TRPM2: variants seen among roughly 807,000 people sequenced by gnomAD.
TRPM2 encodes the protein estrogen-responsive element-associated gene 1 protein.
Under a neutral mutation model 174.0 loss-of-function variants are expected in TRPM2, and 161 were observed. The ratio of observed to expected loss-of-function variants is 0.93; its 90% CI spans 0.81 to 1.05. The LOEUF (loss-of-function observed/expected upper bound fraction) is 1.05. Ranked by LOEUF, TRPM2 falls within the 50% of genes least tolerant of loss-of-function variation. TRPM2 has a pLI of 0.00. For synonymous variants in TRPM2, 954 were observed against 861.3 expected, an observed-to-expected ratio of 1.11 and a Z score of -1.88; for missense variants, 2,057 against 2,038.0, an observed-to-expected ratio of 1.01 and a Z score of -0.18.
In TRPM2 at chr21:44,442,154, G is replaced by C. The variant is rs1481394377; in HGVS notation, c.*337G>C. The C allele has an allele frequency of 4.2e-6, 1 of 236,552 alleles. No individual in the cohort carries two copies. The highest frequency in any genetic ancestry group is 8.1e-6 in the Non-Finnish European group (1 of 123,806). The allele number at this position is 236,552 out of a possible 1,614,324, so 14.7% of individuals were successfully genotyped here. ...TCCCTTCCTGGCTGTGTCACCCCGA[G>C]CAGCTCATCCACCATGGAGGTCATT... On this transcript the variant is annotated 3_prime_UTR_variant, in exon 32 of 32. Transcript: ENST00000397928.
At chr21:44,368,489 T>C (rs1602142183) in intron 4 of TRPM2, among the ~76,000 whole-genome samples, 1 of 151,354 alleles carries the variant, frequency 6.6e-6, no homozygotes, top group South Asian at 2.1e-4. Flanking sequence ...GCAGTGGTGG[T>C]GGCGCTATCT....
intron 27 of TRPM2, among the ~76,000 whole-genome samples, chr21:44,430,116 T>G (rs1020532484): frequency 6.6e-6 from 1 of 152,210 alleles, no homozygotes; most frequent in Admixed American, 6.5e-5. Flanking sequence ...TGGAATAAAC[T>G]CTTCTGTTAT....
chr21:44,383,022 T>G (rs1201765591), intron 9 of TRPM2, among the ~76,000 whole-genome samples: 2 of 152,190 alleles, frequency 1.3e-5, no homozygotes, highest in Non-Finnish European at 2.9e-5. Flanking sequence ...CTCCTTTATT[T>G]GTAACTGGAA....
At chr21:44,427,185 C>T (rs1240238502) in intron 27 of TRPM2, 74 bp downstream of exon 27, 12 of 1,260,186 alleles carry the variant, frequency 9.5e-6, no homozygotes, top group Non-Finnish European at 3.3e-6. Flanking sequence ...CCTCTCTGGG[C>T]AAAGGAAGCA....
intron 16 of TRPM2, among the ~76,000 whole-genome samples, chr21:44,404,178 C>T (rs2049764980): frequency 6.6e-6 from 1 of 151,968 alleles, no homozygotes; most frequent in East Asian, 1.9e-4. Context: ...TACACATGCA[C>T]ACACAAAAAC....
chr21:44,356,095 A>C (rs1355194245), intron 2 of TRPM2, among the ~76,000 whole-genome samples: 2 of 133,880 alleles, frequency 1.5e-5, no homozygotes, highest in African/African-American at 5.4e-5. Context: ...CTGTAATCCC[A>C]GCACTTTGGG....
At position 44,441,804 on chromosome 21, in the gene TRPM2, G is replaced by T; in HGVS notation, c.4499G>T (p.Gly1500Val). Residue 1500 changes from glycine (G) to valine (V), a missense_variant, in exon 32 of 32, where the codon GGG becomes GTG. Physicochemically the swap from Gly to Val is moderately radical, Grantham distance 109 (BLOSUM62 -3). Coordinates refer to ENST00000397928, the MANE Select transcript of TRPM2 (RefSeq NM_003307.4). The stretch of plus-strand genomic sequence containing the variant: ...CTCCAGAAGGCAGCCGCTGAGTTCG[G>T]GGCTCACTACTGACTGTGCCCTCAG... ...TLLQKAAAEF[G>V]AHY 6.2e-7 allele frequency: 1 copy of T among 1,608,992 alleles called. No homozygotes were observed. The highest frequency in any genetic ancestry group is 8.5e-7 in the Non-Finnish European group (1 of 1,177,702).
intron 1 of TRPM2, 52 bp downstream of exon 1, chr21:44,353,917 C>A: frequency 1.3e-6 from 2 of 1,569,668 alleles, no homozygotes; most frequent in Non-Finnish European, 1.7e-6. Flanking sequence ...CGGAGGTCAC[C>A]GTTGGGCAGG....
rs1403169192 is a variant in TRPM2 at position 44,359,126 on chromosome 21, A to ACTGCTTGGTCCATTTTACAGTGTG, written c.254+4394_254+4417dup. Among the ~76,000 whole-genome samples, 21 of 151,844 alleles carry ACTGCTTGGTCCATTTTACAGTGTG rather than the reference A, an allele frequency of 1.4e-4. No homozygotes were observed. The East Asian group carries it at 2.9e-3, about 21-fold the overall frequency. On this transcript the variant is annotated intron_variant, in intron 2 of 31. Coordinates refer to ENST00000397928, the MANE Select transcript of TRPM2 (RefSeq NM_003307.4). ...TGCTGATTGGTCCATTTTACAGAGC[A>ACTGCTTGGTCCATTTTACAGTGTG]CTGCTTGGTCCATTTTACAGTGTGC... is the stretch of plus-strand genomic sequence containing the variant.
intron 19 of TRPM2, among the ~76,000 whole-genome samples, chr21:44,411,722 G>A (rs1416829785): frequency 6.6e-6 from 1 of 152,196 alleles, no homozygotes; most frequent in African/African-American, 2.4e-5. Flanking sequence ...TGTGATGTTA[G>A]CTGTGGGGCT....
intron 15 of TRPM2, 111 bp downstream of exon 15, chr21:44,400,482 C>T (rs532130126): frequency 2.2e-6 from 2 of 918,714 alleles, no homozygotes; most frequent in Non-Finnish European, 3.3e-6. Flanking sequence ...AGTCATGTGT[C>T]CTCAGAATTG....
In TRPM2 at chr21:44,370,213, A is replaced by C. The variant is rs566663980; in HGVS notation, c.771+870A>C. Among the ~76,000 whole-genome samples the C allele has an allele frequency of 4.5e-4, 68 of 152,200 alleles. No homozygotes were observed. The South Asian group carries it at 8.1e-3, about 18-fold the overall frequency. ...GAGGGAGGGGGCGTGGCCAGCAGGCAGCTGGGTGGGGCTGAGCCAGGGCGA... is the reference window on the plus strand; with the variant it reads ...GAGGGAGGGGGCGTGGCCAGCAGGCCGCTGGGTGGGGCTGAGCCAGGGCGA... On this transcript the variant is annotated intron_variant, in intron 5 of 31. Coordinates refer to ENST00000397928, the MANE Select transcript of TRPM2 (RefSeq NM_003307.4).
At chr21:44,384,131 A>G (rs901378944) in intron 9 of TRPM2, among the ~76,000 whole-genome samples, 1 of 152,218 alleles carries the variant, frequency 6.6e-6, no homozygotes, top group Non-Finnish European at 1.5e-5. Context: ...GAAAAAAGAA[A>G]GAAGATTCAT....
chr21:44,351,052 G>C (rs2122996574), upstream of TRPM2, among the ~76,000 whole-genome samples: 1 of 151,970 alleles, frequency 6.6e-6, no homozygotes, highest in East Asian at 2.0e-4. Flanking sequence ...TGTACCGAGG[G>C]AGTGCAGGGC....
At chr21:44,361,183 T>C (rs2048198020) in intron 2 of TRPM2, among the ~76,000 whole-genome samples, 1 of 152,200 alleles carries the variant, frequency 6.6e-6, no homozygotes, top group South Asian at 2.1e-4. Context: ...TCTCATTCTC[T>C]GGAGTGCAAT....
chr21:44,422,432 G>A lies in TRPM2; in HGVS notation c.3462-1213G>A, dbSNP rs146329852. 6.7e-4 allele frequency: 1,024 copies of A among 1,535,638 alleles called. 7 individuals are homozygous for A. In the African/African-American group the frequency reaches 0.013, roughly 19 times the overall value. On this transcript the variant is annotated intron_variant, in intron 22 of 31. Coordinates refer to ENST00000397928, the MANE Select transcript of TRPM2 (RefSeq NM_003307.4). ...GAAAACATGGCAGGTGCGGTTAAGCGGCTTTTGTGGGATTAAGCAAAATGA... is the reference window on the plus strand; with the variant it reads ...GAAAACATGGCAGGTGCGGTTAAGCAGCTTTTGTGGGATTAAGCAAAATGA...
Position 44,402,426 on chromosome 21 carries a change from C to T in TRPM2, c.2538+529C>T, listed in dbSNP as rs73375968. On this transcript the variant is annotated intron_variant, in intron 16 of 31. Coordinates refer to ENST00000397928, the MANE Select transcript of TRPM2 (RefSeq NM_003307.4). The stretch of plus-strand genomic sequence containing the variant: ...CCTCCCTGTGGAGGTGTGGGTGGCA[C>T]TCCATCCTCCCGGTGATGATGTGTG... 2.5e-3 allele frequency among the ~76,000 whole-genome samples: 378 copies of T among 152,322 alleles called. 5 individuals carry two copies. The highest frequency in any genetic ancestry group is 3.4e-3 in the Middle Eastern group (1 of 294).
intron 19 of TRPM2, among the ~76,000 whole-genome samples, chr21:44,408,793 G>A (rs937900947): frequency 1.3e-5 from 2 of 151,770 alleles, no homozygotes; most frequent in Non-Finnish European, 2.9e-5. Flanking sequence ...GAGTAGCTGG[G>A]ACTACAGGCG....
In TRPM2 at chr21:44,373,438, C is replaced by T. The variant is rs554798790; in HGVS notation, c.772-2395C>T. Among the ~76,000 whole-genome samples, 201 of 152,298 alleles carry T rather than the reference C, an allele frequency of 1.3e-3. 1 individual carries two copies. Among genetic ancestry groups the T allele is most frequent in the Middle Eastern group, 6.8e-3 (2 of 294 alleles). ...CTGACCTCAAGTGATCCGCCCGCCTCGGCCCCCCAAAGTGCTGGGATTACA... is the reference window on the plus strand; with the variant it reads ...CTGACCTCAAGTGATCCGCCCGCCTTGGCCCCCCAAAGTGCTGGGATTACA... On this transcript the variant is annotated intron_variant, in intron 5 of 31. Coordinates refer to ENST00000397928, the MANE Select transcript of TRPM2 (RefSeq NM_003307.4).
Sources: gnomAD v4.1 joint callset for allele counts (sites outside exome capture counted in the v4.1 genomes callset) on GRCh38, gnomAD v4.1.1 for gene constraint, MANE v1.5 for transcripts, NCBI Gene and HGNC (gene_info 2026-07-23, HGNC 2026-07-21) for gene names.